The following PLD5 variants were observed in gnomAD, a reference collection of about 807,000 sequenced individuals.
The protein encoded by PLD5 is phospholipase D family member 5.
In PLD5, 36 loss-of-function variants were observed where a neutral mutation model predicts 61.1. The observed-to-expected ratio is 0.59, with a 90% CI of 0.45 to 0.78. The LOEUF is 0.78. Among genes scored for constraint, PLD5 ranks in the 30% least tolerant of loss-of-function variants. The pLI, the probability that PLD5 is intolerant of heterozygous loss-of-function variation, is 0.00. For missense variants in PLD5, 515 were observed against 644.4 expected (o/e 0.80, Z 2.17); for synonymous variants, 243 against 242.8 (o/e 1.00, Z -0.01).
At chr1:242,112,685 T>G (rs534931897) in intron 7 of PLD5, among the ~76,000 whole-genome samples, 3 of 152,146 alleles carry the variant, frequency 2.0e-5, no homozygotes, top group Non-Finnish European at 4.4e-5. Context: ...GGGTTGGTGA[T>G]GTAAGAATTA....
chr1:242,352,716 G>T (rs1429294682), intron 1 of PLD5, among the ~76,000 whole-genome samples: 1 of 152,100 alleles, frequency 6.6e-6, no homozygotes, highest in Non-Finnish European at 1.5e-5. Context: ...CTGGTCTTTT[G>T]TCCTTTTGAT....
rs1661497320 is a variant in PLD5, at chr1:242,369,160, G to T, written c.190-20918C>A. On this transcript the variant is annotated intron_variant, in intron 1 of 9. Coordinates refer to ENST00000536534, the MANE Select transcript of PLD5 (RefSeq NM_001372062.1). ...TCAATATTCAAAGAAATATAGAAAGGAAAACTTTAATAGTGAAAAATATAT... is the reference window on the plus strand; with the variant it reads ...TCAATATTCAAAGAAATATAGAAAGTAAAACTTTAATAGTGAAAAATATAT... 2.0e-5 allele frequency among the ~76,000 whole-genome samples: 3 copies of T among 152,122 alleles called. No individual in the cohort carries two copies. The South Asian group carries it at 6.2e-4, about 31-fold the overall frequency.
intron 1 of PLD5, among the ~76,000 whole-genome samples, chr1:242,498,147 T>C (rs1488727088): frequency 6.6e-6 from 1 of 152,094 alleles, no homozygotes; most frequent in Non-Finnish European, 1.5e-5. Context: ...ATATTTTTAG[T>C]AGAGACAGGG....
chr1:242,117,283 T>C (rs1002227597), intron 6 of PLD5, among the ~76,000 whole-genome samples: 1 of 152,180 alleles, frequency 6.6e-6, no homozygotes, highest in Non-Finnish European at 1.5e-5. Context: ...TGGGCATCTC[T>C]GCTCATGCCG....
At chr1:242,177,309 A>T (rs762239807) in intron 5 of PLD5, among the ~76,000 whole-genome samples, 41 of 152,250 alleles carry the variant, frequency 2.7e-4, no homozygotes, top group Non-Finnish European at 3.8e-4. Flanking sequence ...TCAAACTAAC[A>T]CAGGAACAGA....
chr1:242,433,865 C>T (rs532982696), intron 1 of PLD5, among the ~76,000 whole-genome samples: 3 of 152,230 alleles, frequency 2.0e-5, no homozygotes, highest in East Asian at 3.9e-4. Flanking sequence ...CTGAGACCAG[C>T]GTGTGATTGT....
At chr1:242,433,264 T>G (rs971711293) in intron 1 of PLD5, among the ~76,000 whole-genome samples, 1 of 152,180 alleles carries the variant, frequency 6.6e-6, no homozygotes, top group African/African-American at 2.4e-5. Context: ...AGATGTTCCA[T>G]GCACATTGCA....
chr1:242,475,125 A>AAG (rs1023900780), intron 1 of PLD5, among the ~76,000 whole-genome samples: 1 of 152,232 alleles, frequency 6.6e-6, no homozygotes, highest in African/African-American at 2.4e-5. Context: ...GGTGTCAAAT[A>AAG]AGAGAGAGAC....
At chr1:242,348,825 C>G (rs6673965) in intron 1 of PLD5, among the ~76,000 whole-genome samples, 2 of 152,166 alleles carry the variant, frequency 1.3e-5, no homozygotes, top group East Asian at 1.9e-4. Context: ...GAGGCCAAGG[C>G]GGGCAGATCA....
At chr1:242,192,928 T>C (rs74150835) in intron 5 of PLD5, among the ~76,000 whole-genome samples, 1,758 of 152,032 alleles carry the variant, frequency 0.012, 35 homozygotes, top group African/African-American at 0.039. Flanking sequence ...GCAAGCCACG[T>C]ATTCTTCTTG....
In PLD5 at chr1:242,256,344, GA is replaced by G. The variant is rs1419707760; in HGVS notation, c.607+8992del. On this transcript the variant is annotated intron_variant, in intron 4 of 9. Transcript: ENST00000536534. The surrounding 1 kb of genome is among the most constrained non-coding windows in gnomAD (Gnocchi z 5.7). ...ATTTAATTTTAAAATCTCATGGGGA[GA>G]AAAATCTGAAGATCTATTTCTCTAT... Among the ~76,000 whole-genome samples the G allele has an allele frequency of 2.6e-5, 4 of 152,206 alleles. No homozygotes were observed. Among genetic ancestry groups the G allele is most frequent in the Non-Finnish European group, 2.9e-5 (2 of 68,032 alleles).
intron 1 of PLD5, among the ~76,000 whole-genome samples, chr1:242,447,175 T>A (rs1229072387): frequency 6.6e-6 from 1 of 152,262 alleles, no homozygotes; most frequent in Non-Finnish European, 1.5e-5. Flanking sequence ...CAATTTGTAA[T>A]ATGAACTTAA....
At chr1:242,168,323 AAAG>A (rs1172001966) in intron 5 of PLD5, among the ~76,000 whole-genome samples, 2 of 152,212 alleles carry the variant, frequency 1.3e-5, no homozygotes, top group African/African-American at 4.8e-5. Flanking sequence ...TCAGCATATC[AAAG>A]AAGATGTGAA....
At chr1:242,278,320 C>T (rs867373514) in intron 3 of PLD5, among the ~76,000 whole-genome samples, 1 of 152,130 alleles carries the variant, frequency 6.6e-6, no homozygotes, top group South Asian at 2.1e-4. Context: ...GTAATTAATA[C>T]GAACAATTAG....
At chr1:242,090,361 G>A (rs1186315671) in intron 9 of PLD5, among the ~76,000 whole-genome samples, 1 of 152,134 alleles carries the variant, frequency 6.6e-6, no homozygotes, top group Non-Finnish European at 1.5e-5. Context: ...GGAATCTGCT[G>A]TTCTTTCTTG....
intron 3 of PLD5, among the ~76,000 whole-genome samples, chr1:242,281,167 CATTTA>C (rs1328936082): frequency 6.6e-6 from 1 of 152,156 alleles, no homozygotes; most frequent in African/African-American, 2.4e-5. Context: ...TTAATAATAT[CATTTA>C]CAAATGAATC....
intron 7 of PLD5, among the ~76,000 whole-genome samples, chr1:242,108,800 C>T (rs564337198): frequency 6.6e-6 from 1 of 152,172 alleles, no homozygotes; most frequent in South Asian, 2.1e-4. Flanking sequence ...GTGTCATGAT[C>T]ATTGCACCTC....
At chr1:242,500,558 C>T (rs184331568) in intron 1 of PLD5, among the ~76,000 whole-genome samples, 1 of 152,246 alleles carries the variant, frequency 6.6e-6, no homozygotes, top group East Asian at 1.9e-4. Context: ...AACAGAAATT[C>T]ATAAAAGCAA....
chr1:242,165,452 GA>G (rs34435412), intron 5 of PLD5, among the ~76,000 whole-genome samples: 1,354 of 115,662 alleles, frequency 0.012, 18 homozygotes, highest in Non-Finnish European at 0.02. Context: ...GCTTTAAAGG[GA>G]AAAAAAAAAA....
Sources: gnomAD v4.1 joint callset for allele counts (sites outside exome capture counted in the v4.1 genomes callset) on GRCh38, gnomAD v4.1.1 for gene constraint, Gnocchi (gnomAD v3.1) non-coding constraint, MANE v1.5 for transcripts, NCBI Gene and HGNC (gene_info 2026-07-23, HGNC 2026-07-21) for gene names.